Variants in MYRF observed in about 807,000 individuals in gnomAD.
MYRF encodes the protein myelin gene regulatory factor.
MYRF carries 16 observed loss-of-function variants against 126.3 expected under a neutral mutation model. The ratio of observed to expected loss-of-function variants is 0.13; its 90% CI spans 0.09 to 0.19. The LOEUF is 0.19. Among genes scored for constraint, MYRF ranks in the 10% least tolerant of loss-of-function variants. The pLI is 1.00. For synonymous variants in MYRF, 608 were observed against 635.3 expected, an observed-to-expected ratio of 0.96 and a Z score of 0.65; for missense variants, 1,104 against 1,547.0, an observed-to-expected ratio of 0.71 and a Z score of 4.80.
chr11:61,756,974 T>C (rs1477150980), intron 1 of MYRF: 1 of 362,824 alleles, frequency 2.8e-6, no homozygotes, highest in East Asian at 7.3e-5. Context: ...GAGCTGCTCA[T>C]TGGCTGCCAC....
At position 61,777,602 on chromosome 11, in the gene MYRF, C is replaced by T. The variant is rs1226083037; in HGVS notation, c.1792-132C>T. 18 of 1,318,354 alleles carry T rather than the reference C, an allele frequency of 1.4e-5. No individual in the cohort carries two copies. Among genetic ancestry groups the T allele is most frequent in the Admixed American group, 2.1e-5 (1 of 47,082 alleles). 81.7% of individuals were successfully genotyped at this position (1,318,354 alleles called of 1,614,324 possible). ...GAAGGGAGGGAGGCTGGCCTCGAAT[C>T]CCGATCTAACCACTCCAGTGGTGGG... is the stretch of plus-strand genomic sequence containing the variant. On this transcript the variant is annotated intron_variant, in intron 12 of 26. Coordinates refer to ENST00000278836, the MANE Select transcript of MYRF (RefSeq NM_001127392.3). The surrounding 1 kb of genome is among the most constrained non-coding windows in gnomAD (Gnocchi z 8.8).
At chr11:61,774,193 G>T in intron 8 of MYRF, 31 bp downstream of exon 8, 1 of 1,571,530 alleles carries the variant, frequency 6.4e-7, no homozygotes, top group African/African-American at 1.4e-5. Flanking sequence ...GGAAGGGAGG[G>T]CAGGAGGGCC....
intron 25 of MYRF, chr11:61,784,607 T>C (rs971845763): frequency 3.7e-6 from 2 of 547,166 alleles, no homozygotes. Context: ...CCTGCCGTGC[T>C]GGAGACGTGG....
At position 61,777,783 on chromosome 11, in the gene MYRF, A is replaced by G. The variant is rs1303658208; in HGVS notation, c.1841A>G (p.His614Arg). 7.7e-6 allele frequency: 12 copies of G among 1,552,198 alleles called. No individual in the cohort carries two copies. Among genetic ancestry groups the G allele is most frequent in the East Asian group, 7.3e-5 (3 of 40,972 alleles). ...LKRISRMRLV[H>R]YRYKPEFAAS... ...AGGATCTCGCGCATGCGGCTGGTGCACTACAGATACAAGCCCGAGTTCGCC... is the reference window on the plus strand; with the variant it reads ...AGGATCTCGCGCATGCGGCTGGTGCGCTACAGATACAAGCCCGAGTTCGCC... The change falls in exon 13 of 27, where the codon CAC (histidine) becomes CGC (arginine). Residue 614 changes from histidine to arginine, a missense_variant. Physicochemically the swap from His to Arg is conservative, Grantham distance 29. Transcript: ENST00000278836. The surrounding 1 kb of genome is among the most constrained non-coding windows in gnomAD (Gnocchi z 8.8).
chr11:61,773,555 C>T (rs1321497097), intron 7 of MYRF, among the ~76,000 whole-genome samples: 1 of 152,200 alleles, frequency 6.6e-6, no homozygotes, highest in Non-Finnish European at 1.5e-5. Context: ...AGCTGTCAGG[C>T]GCTGTGAGGC....
In MYRF at chr11:61,778,916, T is replaced by A; in HGVS notation, c.2014-347T>A. 1 of 576,120 alleles carries A rather than the reference T, an allele frequency of 1.7e-6. No individual in the cohort carries two copies. The highest frequency in any genetic ancestry group is 3.3e-6 in the Non-Finnish European group (1 of 304,616). 35.7% of individuals were successfully genotyped at this position (576,120 alleles called of 1,614,324 possible). The stretch of plus-strand genomic sequence containing the variant: ...TCTCCACCCCAGCTGAATAGTGAAG[T>A]GCTGACATCTGAGACACCAGTCATC... On this transcript the variant is annotated intron_variant, in intron 14 of 26. Transcript: ENST00000278836. The surrounding 1 kb of genome is among the most constrained non-coding windows in gnomAD (Gnocchi z 4.6).
intron 3 of MYRF, chr11:61,766,673 G>A: frequency 4.1e-6 from 1 of 246,506 alleles, no homozygotes; most frequent in Non-Finnish European, 8.0e-6. Flanking sequence ...ACCCAAGCAA[G>A]CCTCATGGGG....
At position 61,777,730 on chromosome 11, in the gene MYRF, G is replaced by GC. The variant is rs779499826; in HGVS notation, c.1792-3dup. The GC allele has an allele frequency of 1.3e-6, 2 of 1,549,608 alleles. No individual in the cohort carries two copies. Among genetic ancestry groups the GC allele is most frequent in the South Asian group, 2.4e-5 (2 of 84,014 alleles). Reference sequence around the variant, plus strand: ...GGTTCATTCCCGGGCCTGGCTCCCCGCAGGTGGACACCACCGAGCAATTGA... The same window carrying GC: ...GGTTCATTCCCGGGCCTGGCTCCCCGCCAGGTGGACACCACCGAGCAATTGA... On this transcript the variant is annotated splice_polypyrimidine_tract_variant and splice_region_variant and intron_variant, in intron 12 of 26. Transcript: ENST00000278836. This position sits in a 1 kb window ranked among gnomAD's most constrained non-coding sequence, Gnocchi z 8.8.
intron 25 of MYRF, 180 bp downstream of exon 25, chr11:61,784,565 T>C (rs2066643793): frequency 3.3e-6 from 2 of 597,078 alleles, no homozygotes; most frequent in Non-Finnish European, 5.9e-6. Flanking sequence ...TGCCCGTGTT[T>C]GTTCATTGCA....
rs921262862 is a variant in MYRF, at chr11:61,757,916, G to A, written c.46+5126G>A. Among the ~76,000 whole-genome samples, 1 of 152,206 alleles carries A rather than the reference G, an allele frequency of 6.6e-6. No individual in the cohort carries two copies. The highest frequency in any genetic ancestry group is 2.4e-5 in the African/African-American group (1 of 41,456). ...CCCAGCTCTGTGCCAGCCTGGGATG[G>A]GCAGGGAAGGGGCCTCTCCTCCTGA... On this transcript the variant is annotated intron_variant, in intron 1 of 26. Coordinates refer to ENST00000278836, the MANE Select transcript of MYRF (RefSeq NM_001127392.3). This position sits in a 1 kb window ranked among gnomAD's most constrained non-coding sequence, Gnocchi z 4.7.
rs73487444 is a variant in MYRF, at chr11:61,773,840, G to A, written c.1116-127G>A. 2,228 of 722,550 alleles carry A rather than the reference G, an allele frequency of 3.1e-3. 31 individuals carry two copies. The highest frequency in any genetic ancestry group is 0.03 in the African/African-American group (1,692 of 56,184). 44.8% of individuals were successfully genotyped at this position (722,550 alleles called of 1,614,324 possible). ...CCATTTCTCAGGAGTGGGGGCAGCC[G>A]CATTGGTGGTTTGAGGATGCAGGGG... is the stretch of plus-strand genomic sequence containing the variant. On this transcript the variant is annotated intron_variant, in intron 7 of 26. Transcript: ENST00000278836.
chr11:61,757,070 C>T lies in MYRF; in HGVS notation c.46+4280C>T, dbSNP rs1370794156. On this transcript the variant is annotated intron_variant, in intron 1 of 26. Transcript: ENST00000278836. This position sits in a 1 kb window ranked among gnomAD's most constrained non-coding sequence, Gnocchi z 4.7. ...ACTGGGTGGCCCCGCCCTACCCAGG[C>T]AGCCTGCCTTACCTTCCCACCTTCC... 4 of 429,346 alleles carry T rather than the reference C, an allele frequency of 9.3e-6. No homozygotes were observed. Among genetic ancestry groups the T allele is most frequent in the African/African-American group, 2.0e-5 (1 of 49,008 alleles). The allele number at this position is 429,346 out of a possible 1,614,324, so 26.6% of individuals were successfully genotyped here.
chr11:61,767,114 T>A (rs1269984493), intron 3 of MYRF: 3 of 456,270 alleles, frequency 6.6e-6, no homozygotes, highest in African/African-American at 6.0e-5. Context: ...CATGGACACA[T>A]GGCCGGCCGT....
chr11:61,778,304 C>T lies in MYRF; in HGVS notation c.1904-76C>T. 3.0e-6 allele frequency: 3 copies of T among 983,954 alleles called. No individual in the cohort carries two copies. Among genetic ancestry groups the T allele is most frequent in the Non-Finnish European group, 4.9e-6 (3 of 608,544 alleles). The allele number at this position is 983,954 out of a possible 1,614,324, so 61.0% of individuals were successfully genotyped here. On this transcript the variant is annotated intron_variant, in intron 13 of 26. Transcript: ENST00000278836. This position sits in a 1 kb window ranked among gnomAD's most constrained non-coding sequence, Gnocchi z 4.6. Reference sequence around the variant, plus strand: ...GAACTTCACCCTCTCCAGTCTTGCTCCCACTGTACATTACAAAGCTGTGAG... The same window carrying T: ...GAACTTCACCCTCTCCAGTCTTGCTTCCACTGTACATTACAAAGCTGTGAG...
At position 61,786,032 on chromosome 11, in the gene MYRF, C is replaced by T. The variant is rs770343026; in HGVS notation, c.3376-31C>T. On this transcript the variant is annotated intron_variant, in intron 26 of 26. Coordinates refer to ENST00000278836, the MANE Select transcript of MYRF (RefSeq NM_001127392.3). The surrounding 1 kb of genome is among the most constrained non-coding windows in gnomAD (Gnocchi z 4.5). ...GCCATCTGCCCCGCACCCCCAGAGCCACCTCACCTTCCCACTGCCCTTCCA... is the reference window on the plus strand; with the variant it reads ...GCCATCTGCCCCGCACCCCCAGAGCTACCTCACCTTCCCACTGCCCTTCCA... 1.2e-6 allele frequency: 2 copies of T among 1,610,966 alleles called. No homozygotes were observed. The highest frequency in any genetic ancestry group is 1.3e-5 in the African/African-American group (1 of 74,864).
chr11:61,757,097 C>T lies in MYRF; in HGVS notation c.46+4307C>T, dbSNP rs1482187624. ...GCCTGCCTTACCTTCCCACCTTCCTCTTCACGGACCTAGCACCTTCCTGGG... is the reference window on the plus strand; with the variant it reads ...GCCTGCCTTACCTTCCCACCTTCCTTTTCACGGACCTAGCACCTTCCTGGG... On this transcript the variant is annotated intron_variant, in intron 1 of 26. Transcript: ENST00000278836. This position sits in a 1 kb window ranked among gnomAD's most constrained non-coding sequence, Gnocchi z 4.7. 4 of 444,526 alleles carry T rather than the reference C, an allele frequency of 9.0e-6. No individual in the cohort carries two copies. Among genetic ancestry groups the T allele is most frequent in the Admixed American group, 4.8e-5 (2 of 41,858 alleles). The allele number at this position is 444,526 out of a possible 1,614,324, so 27.5% of individuals were successfully genotyped here. A position where few individuals can be genotyped will look rare whatever the true frequency, so the allele number is the denominator to read the frequency against.
rs1279323794 is a variant in MYRF, at chr11:61,777,178, G to T, written c.1591-86G>T. 1 of 1,381,998 alleles carries T rather than the reference G, an allele frequency of 7.2e-7. No individual in the cohort carries two copies. Among genetic ancestry groups the T allele is most frequent in the African/African-American group, 1.4e-5 (1 of 70,390 alleles). 85.6% of individuals were successfully genotyped at this position (1,381,998 alleles called of 1,614,324 possible). On this transcript the variant is annotated intron_variant, in intron 11 of 26. Coordinates refer to ENST00000278836, the MANE Select transcript of MYRF (RefSeq NM_001127392.3). This position sits in a 1 kb window ranked among gnomAD's most constrained non-coding sequence, Gnocchi z 8.8. ...AGAAACCCTGGCTGGAAGGGGAGGGGCTGCTGTGGAGTTTCCCCCTGCTCC... is the reference window on the plus strand; with the variant it reads ...AGAAACCCTGGCTGGAAGGGGAGGGTCTGCTGTGGAGTTTCCCCCTGCTCC...
At position 61,770,235 on chromosome 11, in the gene MYRF, C is replaced by G; in HGVS notation, c.461-11C>G. On this transcript the variant is annotated splice_polypyrimidine_tract_variant and intron_variant, in intron 4 of 26. Transcript: ENST00000278836. Reference sequence around the variant, plus strand: ...TGGTCTCAGATGCCCGCTCCCCCATCTCTCCTGCAGAGCCCCACCTCCTGC... The same window carrying G: ...TGGTCTCAGATGCCCGCTCCCCCATGTCTCCTGCAGAGCCCCACCTCCTGC... The G allele has an allele frequency of 1.3e-6, 2 of 1,590,742 alleles. No homozygotes were observed. The highest frequency in any genetic ancestry group is 2.3e-5 in the East Asian group (1 of 44,242).
Position 61,781,258 on chromosome 11 carries a change from C to T in MYRF, c.2693C>T (p.Pro898Leu), listed in dbSNP as rs1344416402. The change falls in exon 21 of 27, where the codon CCT becomes CTT. Residue 898 changes from proline (P) to leucine (L), a missense_variant. Around this residue, in one of 10 missense-constraint regions of MYRF, gnomAD observed 323 missense variants for 383.1 expected, o/e 0.84. Transcript: ENST00000278836. ...CCCACTACCAACCCTACCACTGGTC[C>T]TAGTCTTGGCCCCAGCTTTAACCCT... Reference protein sequence around the residue: ...SSPTTNPTTGPSLGPSFNPGH... With the variant: ...SSPTTNPTTGLSLGPSFNPGH... The T allele has an allele frequency of 4.3e-6, 7 of 1,614,074 alleles. No individual in the cohort carries two copies. The highest frequency in any genetic ancestry group is 3.3e-4 in the Middle Eastern group (2 of 6,084).
Sources: gnomAD v4.1 joint callset for allele counts (sites outside exome capture counted in the v4.1 genomes callset) on GRCh38, gnomAD v4.1.1 for gene constraint, gnomAD v4.1.1 regional missense constraint, Gnocchi (gnomAD v3.1) non-coding constraint, MANE v1.5 for transcripts, NCBI Gene and HGNC (gene_info 2026-07-23, HGNC 2026-07-21) for gene names.